Variants in SLC24A4 observed in about 807,000 individuals in gnomAD.
SLC24A4 encodes the protein sodium/potassium/calcium exchanger 4.
A neutral mutation model predicts 79.0 loss-of-function variants in SLC24A4; 53 were observed. The ratio of observed to expected loss-of-function variants is 0.67; its 90% CI spans 0.54 to 0.84. The LOEUF is 0.84. Among genes scored for constraint, SLC24A4 ranks in the 40% least tolerant of loss-of-function variants. The pLI is 0.00. For synonymous variants in SLC24A4, 323 were observed against 323.8 expected, an observed-to-expected ratio of 1.00 and a Z score of 0.03; for missense variants, 731 against 822.0, an observed-to-expected ratio of 0.89 and a Z score of 1.35.
At chr14:92,362,833 G>A (rs1198582089) in intron 2 of SLC24A4, among the ~76,000 whole-genome samples, 1 of 152,204 alleles carries the variant, frequency 6.6e-6, no homozygotes, top group Admixed American at 6.5e-5. Context: ...GAATGAATGC[G>A]CAGAGAGAGG....
chr14:92,355,517 T>G (rs963370946), intron 2 of SLC24A4, among the ~76,000 whole-genome samples: 2 of 152,230 alleles, frequency 1.3e-5, no homozygotes, highest in Admixed American at 1.3e-4. Flanking sequence ...AGGTTTTCAC[T>G]TGAAGATTCT....
rs36185636 is a variant in SLC24A4, at chr14:92,474,863, A to ATATT, written c.1256-7816_1256-7815insATTT. Among the ~76,000 whole-genome samples, 156 of 57,114 alleles carry ATATT rather than the reference A, an allele frequency of 2.7e-3. 13 individuals carry two copies. Among genetic ancestry groups the ATATT allele is most frequent in the African/African-American group, 6.4e-3 (99 of 15,400 alleles). 37.5% of individuals were successfully genotyped at this position (57,114 alleles called of 152,430 possible). On this transcript the variant is annotated intron_variant, in intron 12 of 16. Transcript: ENST00000532405. ...TGTGTGTATATATATATATATATAT[A>ATATT]TTTTTTTTTTTTTTAGTAGACACAG...
At position 92,449,078 on chromosome 14, in the gene SLC24A4, A is replaced by G. The variant is rs1032851817; in HGVS notation, c.742A>G (p.Asn248Asp). ...YVFYILIMKY[N>D]VKMQAFFTVK... Reference sequence around the variant, plus strand: ...CCTGCCTCCCCTCGCTTCCAGGTACAATGTGAAGATGCAAGCCTTTTTCAC... The same window carrying G: ...CCTGCCTCCCCTCGCTTCCAGGTACGATGTGAAGATGCAAGCCTTTTTCAC... The change falls in exon 10 of 17, where the codon AAT becomes GAT. Residue 248 changes from asparagine to aspartate, a missense_variant. Physicochemically the swap from Asn to Asp is conservative, Grantham distance 23 (BLOSUM62 1). Coordinates refer to ENST00000532405, the MANE Select transcript of SLC24A4 (RefSeq NM_153646.4). 2 of 1,614,062 alleles carry G rather than the reference A, an allele frequency of 1.2e-6. No individual in the cohort carries two copies. The highest frequency in any genetic ancestry group is 2.7e-5 in the African/African-American group (2 of 74,932).
chr14:92,459,974 G>C (rs1893705009), intron 12 of SLC24A4, among the ~76,000 whole-genome samples: 1 of 152,114 alleles, frequency 6.6e-6, no homozygotes, highest in African/African-American at 2.4e-5. Flanking sequence ...GATGCAGCTA[G>C]CGTTTTCCAA....
intron 2 of SLC24A4, among the ~76,000 whole-genome samples, chr14:92,416,800 T>C (rs1449260799): frequency 6.6e-6 from 1 of 152,254 alleles, no homozygotes; most frequent in Non-Finnish European, 1.5e-5. Context: ...TGGAAATGTT[T>C]CTGACAGAGC....
chr14:92,466,822 C>T (rs1279901411), intron 12 of SLC24A4, among the ~76,000 whole-genome samples: 3 of 152,174 alleles, frequency 2.0e-5, no homozygotes, highest in East Asian at 3.9e-4. Flanking sequence ...GACCTGCATT[C>T]GAGACCTGGT....
At chr14:92,383,571 G>C (rs1221548944) in intron 2 of SLC24A4, among the ~76,000 whole-genome samples, 1 of 152,132 alleles carries the variant, frequency 6.6e-6, no homozygotes, top group Non-Finnish European at 1.5e-5. Flanking sequence ...AATCCCCCCT[G>C]GCTGCAGCTC....
Position 92,454,035 on chromosome 14 carries a change from G to T in SLC24A4, c.1016G>T (p.Arg339Leu), listed in dbSNP as rs540116512. 6.2e-7 allele frequency: 1 copy of T among 1,613,090 alleles called. No individual in the cohort carries two copies. The highest frequency in any genetic ancestry group is 8.5e-7 in the Non-Finnish European group (1 of 1,179,572). The change falls in exon 11 of 17, where the codon CGA (arginine) becomes CTA (leucine). Residue 339 changes from arginine to leucine, a missense_variant. Physicochemically the swap from Arg to Leu is moderately radical, Grantham distance 102 (BLOSUM62 -2). Transcript: ENST00000532405. ...ACCAATAAGTTTGGACCCAGGACCC[G>T]ACTACGGATGGCCAGCAGGATCATC... ...MITNKFGPRT[R>L]LRMASRIIIN...
intron 10 of SLC24A4, 169 bp from the exon 11 acceptor site, chr14:92,453,731 C>T (rs1274311128): frequency 1.7e-6 from 1 of 596,332 alleles, no homozygotes; most frequent in African/African-American, 1.9e-5. Context: ...TAGTGACCCA[C>T]TTTGCCTGAC....
intron 2 of SLC24A4, among the ~76,000 whole-genome samples, chr14:92,421,367 T>A (rs1190542297): frequency 6.6e-6 from 1 of 152,158 alleles, no homozygotes; most frequent in Non-Finnish European, 1.5e-5. Flanking sequence ...CCTTGTGCCC[T>A]TTGCCAATTA....
At chr14:92,392,173 G>A (rs1421047019) in intron 2 of SLC24A4, among the ~76,000 whole-genome samples, 1 of 151,260 alleles carries the variant, frequency 6.6e-6, no homozygotes, top group Admixed American at 6.6e-5. Flanking sequence ...TAGACTATAG[G>A]TGTCTGGGGT....
At chr14:92,461,906 C>T (rs959803539) in intron 12 of SLC24A4, among the ~76,000 whole-genome samples, 3 of 152,352 alleles carry the variant, frequency 2.0e-5, no homozygotes, top group African/African-American at 7.2e-5. Context: ...CATGGTCACC[C>T]AGCAGCTCTG....
At chr14:92,493,391 C>G in intron 16 of SLC24A4, 85 bp from the exon 17 acceptor site, 1 of 1,507,360 alleles carries the variant, frequency 6.6e-7, no homozygotes, top group Admixed American at 1.8e-5. Flanking sequence ...TTCTAGGTTT[C>G]CCCACATAGG....
chr14:92,390,653 T>G (rs536130257), intron 2 of SLC24A4, among the ~76,000 whole-genome samples: 3 of 152,208 alleles, frequency 2.0e-5, no homozygotes, highest in Non-Finnish European at 4.4e-5. Context: ...CCACCAACCC[T>G]GTAAGCCTTC....
In SLC24A4 at chr14:92,466,000, T is replaced by C. The variant is rs560810191; in HGVS notation, c.1255+9392T>C. Among the ~76,000 whole-genome samples the C allele has an allele frequency of 5.0e-4, 76 of 152,346 alleles. No individual in the cohort carries two copies. The South Asian group carries it at 0.015, about 31-fold the overall frequency. ...GCAGGTCTTGACCTCTTCTGCTTTC[T>C]ATTGGGCTTCTCTTTGCCCCTCTAA... On this transcript the variant is annotated intron_variant, in intron 12 of 16. Transcript: ENST00000532405.
At chr14:92,424,525 A>C (rs1189991346) in intron 2 of SLC24A4, among the ~76,000 whole-genome samples, 1 of 152,122 alleles carries the variant, frequency 6.6e-6, no homozygotes, top group Non-Finnish European at 1.5e-5. Context: ...TCACATGGTG[A>C]GAGAGGAAGC....
chr14:92,448,345 T>TACACACACACACACACCAC (rs1555371192), intron 9 of SLC24A4, among the ~76,000 whole-genome samples: 2 of 131,952 alleles, frequency 1.5e-5, no homozygotes, highest in African/African-American at 5.9e-5. Context: ...TCCCACTACA[T>TACACACACACACACACCAC]ACACACACAC....
Position 92,445,442 on chromosome 14 carries a change from A to G in SLC24A4, c.683+100A>G. On this transcript the variant is annotated intron_variant, in intron 8 of 16. Transcript: ENST00000532405. ...GAATCGTTTTAAAAATTATTTTTAT[A>G]AACTTAAGCTTATTAACTTGTGAAA... is the stretch of plus-strand genomic sequence containing the variant. The G allele has an allele frequency of 7.9e-6, 10 of 1,269,912 alleles. No individual in the cohort carries two copies. In the South Asian group the frequency reaches 1.2e-4, roughly 15 times the overall value. The allele number at this position is 1,269,912 out of a possible 1,614,324, so 78.7% of individuals were successfully genotyped here. A position where few individuals can be genotyped will look rare whatever the true frequency, so the allele number is the denominator to read the frequency against.
rs548228761 is a variant in SLC24A4 at position 92,474,262 on chromosome 14, C to T, written c.1256-8418C>T. On this transcript the variant is annotated intron_variant, in intron 12 of 16. Transcript: ENST00000532405. The stretch of plus-strand genomic sequence containing the variant: ...CAGATTATCTTTTCCTGATTCTGAG[C>T]GGGCACTTGTAGCCTCCCATACATT... Among the ~76,000 whole-genome samples, 8 of 152,262 alleles carry T rather than the reference C, an allele frequency of 5.3e-5. No homozygotes were observed. The East Asian group carries it at 5.8e-4, about 11-fold the overall frequency.
Sources: gnomAD v4.1 joint callset for allele counts (sites outside exome capture counted in the v4.1 genomes callset) on GRCh38, gnomAD v4.1.1 for gene constraint, MANE v1.5 for transcripts, NCBI Gene and HGNC (gene_info 2026-07-23, HGNC 2026-07-21) for gene names.